Variants in SV2C observed in about 807,000 individuals in gnomAD.
SV2C encodes synaptic vesicle glycoprotein 2C.
A neutral mutation model predicts 79.7 loss-of-function variants in SV2C; 49 were observed. The observed-to-expected ratio is 0.61, with a 90% confidence interval of 0.49 to 0.78. The LOEUF is 0.78. SV2C is among the 30% of genes least tolerant of loss of function. The pLI is 0.00. For synonymous variants in SV2C, 334 were observed against 333.2 expected (o/e 1.00, Z -0.03); for missense variants, 833 against 912.9 (o/e 0.91, Z 1.13).
At chr5:76,242,351 C>T in intron 4 of SV2C, 3 of 1,377,936 alleles carry the variant, frequency 2.2e-6, no homozygotes, top group Non-Finnish European at 3.0e-6. Flanking sequence ...CGCAGCGGCG[C>T]GCGGGCTTTG....
At chr5:76,175,184 A>G (rs1406572769) in intron 2 of SV2C, among the ~76,000 whole-genome samples, 1 of 152,168 alleles carries the variant, frequency 6.6e-6, no homozygotes, top group Non-Finnish European at 1.5e-5. Context: ...TCCAGTTTCC[A>G]TGTTGGCCTT....
At chr5:76,281,367 C>A (rs985609303) in intron 4 of SV2C, 11 of 248,524 alleles carry the variant, frequency 4.4e-5, no homozygotes, top group African/African-American at 2.3e-4. Flanking sequence ...GTCTATATGC[C>A]TTTTTTAAAA....
At chr5:75,876,615 A>T in the SV2C span, among the ~76,000 whole-genome samples, 1 of 152,152 alleles carries the variant, frequency 6.6e-6, no homozygotes, top group African/African-American at 2.4e-5. Flanking sequence ...AAGTAATAAT[A>T]ACAACGGGGT....
At chr5:75,998,164 G>A in the SV2C span, among the ~76,000 whole-genome samples, 1 of 152,066 alleles carries the variant, frequency 6.6e-6, no homozygotes, top group Non-Finnish European at 1.5e-5. Context: ...ACACAGGAAG[G>A]GGAACATCAC....
chr5:76,236,009 T>A (rs551188136), intron 4 of SV2C, among the ~76,000 whole-genome samples: 48 of 152,318 alleles, frequency 3.2e-4, no homozygotes, highest in African/African-American at 1.2e-3. Context: ...GGTTCCCATG[T>A]TTTCTTACAA....
At chr5:76,279,580 A>G (rs968878337) in intron 4 of SV2C, among the ~76,000 whole-genome samples, 1 of 152,262 alleles carries the variant, frequency 6.6e-6, no homozygotes, top group Non-Finnish European at 1.5e-5. Flanking sequence ...GAGTGCAACC[A>G]TTAAATATGA....
At chr5:76,166,694 A>C (rs781155508) in intron 2 of SV2C, among the ~76,000 whole-genome samples, 1 of 152,182 alleles carries the variant, frequency 6.6e-6, no homozygotes, top group African/African-American at 2.4e-5. Flanking sequence ...CCAGTTTCTG[A>C]ATGCAGCTAT....
chr5:75,897,281 C>T, the SV2C span, among the ~76,000 whole-genome samples: 1 of 151,830 alleles, frequency 6.6e-6, no homozygotes, highest in African/African-American at 2.4e-5. Context: ...CAGCTTTCTA[C>T]ATATGGCTAG....
At chr5:75,950,713 A>C in the SV2C span, among the ~76,000 whole-genome samples, 1 of 152,020 alleles carries the variant, frequency 6.6e-6, no homozygotes, top group East Asian at 1.9e-4. Context: ...TGGATGAATA[A>C]ATCGAGAAAT....
chr5:76,104,844 A>C (rs905038709), intron 1 of SV2C, among the ~76,000 whole-genome samples: 2 of 152,134 alleles, frequency 1.3e-5, no homozygotes, highest in African/African-American at 2.4e-5. Flanking sequence ...TTTTGTCTAC[A>C]TGCGGTTGTT....
intron 2 of SV2C, among the ~76,000 whole-genome samples, chr5:76,171,969 C>T (rs1260295786): frequency 2.1e-4 from 27 of 127,786 alleles, no homozygotes; most frequent in South Asian, 8.0e-4. Context: ...CCAGCCGCCC[C>T]GTCCGGGAGG....
chr5:76,229,749 A>C (rs1745357098), intron 4 of SV2C, among the ~76,000 whole-genome samples: 1 of 152,248 alleles, frequency 6.6e-6, no homozygotes, highest in Non-Finnish European at 1.5e-5. Context: ...CCTCTTTCTC[A>C]AAGTCATGCT....
the SV2C span, among the ~76,000 whole-genome samples, chr5:76,019,155 G>T: frequency 6.6e-6 from 1 of 152,138 alleles, no homozygotes; most frequent in Admixed American, 6.6e-5. Context: ...TGTTTCAGCT[G>T]TAGTACAGGA....
chr5:75,888,063 G>A, the SV2C span, among the ~76,000 whole-genome samples: 1 of 152,008 alleles, frequency 6.6e-6, no homozygotes, highest in Non-Finnish European at 1.5e-5. Flanking sequence ...GAGTCAATTT[G>A]TATTCTATCA....
the SV2C span, among the ~76,000 whole-genome samples, chr5:75,995,355 A>G: frequency 1.3e-5 from 2 of 152,062 alleles, no homozygotes; most frequent in Admixed American, 1.3e-4. Context: ...GCCCTGCACT[A>G]TGGCTACCTT....
At chr5:75,978,463 T>A in the SV2C span, among the ~76,000 whole-genome samples, 1 of 152,312 alleles carries the variant, frequency 6.6e-6, no homozygotes, top group East Asian at 1.9e-4. Context: ...TTATATTCCA[T>A]CAATTCTAAG....
intron 1 of SV2C, among the ~76,000 whole-genome samples, chr5:76,117,380 T>G (rs1490924425): frequency 1.3e-5 from 2 of 152,216 alleles, no homozygotes; most frequent in African/African-American, 4.8e-5. Context: ...ATAATAGATG[T>G]CTTTCTAAAT....
chr5:76,022,624 A>C, the SV2C span, among the ~76,000 whole-genome samples: 3 of 152,338 alleles, frequency 2.0e-5, no homozygotes, highest in Non-Finnish European at 4.4e-5. Context: ...ATTTTTGGGA[A>C]CCACTCTGTC....
the SV2C span, among the ~76,000 whole-genome samples, chr5:76,005,756 G>A: frequency 1.3e-5 from 2 of 152,184 alleles, no homozygotes; most frequent in Non-Finnish European, 2.9e-5. Context: ...AGGATGAATG[G>A]AATGCAGAAT....
Sources: gnomAD v4.1 joint callset for allele counts (sites outside exome capture counted in the v4.1 genomes callset) on GRCh38, gnomAD v4.1.1 for gene constraint, MANE v1.5 for transcripts, NCBI Gene and HGNC (gene_info 2026-07-23, HGNC 2026-07-21) for gene names.